The following TMC1 variants were observed in gnomAD, a reference collection of about 807,000 sequenced individuals.
TMC1 encodes transmembrane channel like 1.
A neutral mutation model predicts 105.8 loss-of-function variants in TMC1; 84 were observed. The ratio of observed to expected loss-of-function variants is 0.79; its 90% CI spans 0.67 to 0.95. The LOEUF (loss-of-function observed/expected upper bound fraction) is 0.95. Among genes scored for constraint, TMC1 ranks in the 40% least tolerant of loss-of-function variants. The probability of loss-of-function intolerance (pLI) is 0.00; values close to 1 mark genes in which losing one functional copy is unlikely to be tolerated. For synonymous variants in TMC1, 315 were observed against 311.5 expected (o/e 1.01, Z -0.12); for missense variants, 817 against 914.1 (o/e 0.89, Z 1.37).
At chr9:72,761,460 A>G (rs1347327320) in intron 12 of TMC1, among the ~76,000 whole-genome samples, 1 of 152,180 alleles carries the variant, frequency 6.6e-6, no homozygotes, top group Non-Finnish European at 1.5e-5. Context: ...TGATGGATAA[A>G]TGGTATGTCT....
At chr9:72,804,848 TTATGTGGGGTTTCGG>T (rs1828543098) in intron 17 of TMC1, among the ~76,000 whole-genome samples, 3 of 152,356 alleles carry the variant, frequency 2.0e-5, no homozygotes, top group Admixed American at 1.3e-4. Flanking sequence ...TGTATTTTTA[TTATGTGGGGTTTCGG>T]TATTTTTCAA....
intron 2 of TMC1, among the ~76,000 whole-genome samples, chr9:72,591,914 C>T (rs1211448555): frequency 2.0e-5 from 3 of 151,970 alleles, no homozygotes; most frequent in South Asian, 2.1e-4. Context: ...TTTAGTAGGT[C>T]GTGGATGGGG....
At chr9:72,685,069 T>G (rs1438106210) in intron 5 of TMC1, among the ~76,000 whole-genome samples, 1 of 149,926 alleles carries the variant, frequency 6.7e-6, no homozygotes, top group Non-Finnish European at 1.5e-5. Flanking sequence ...AACCCATACA[T>G]AATCTCAAAC....
intron 5 of TMC1, among the ~76,000 whole-genome samples, chr9:72,649,867 T>C (rs1241961559): frequency 6.6e-6 from 1 of 152,174 alleles, no homozygotes; most frequent in Admixed American, 6.5e-5. Flanking sequence ...ACTTTTTAAG[T>C]GCCCAGTAGT....
At chr9:72,563,047 A>T (rs1400512958) in intron 1 of TMC1, among the ~76,000 whole-genome samples, 3 of 148,974 alleles carry the variant, frequency 2.0e-5, no homozygotes, top group Non-Finnish European at 4.4e-5. Context: ...GAAAGTTACT[A>T]GTTAGCCAAT....
chr9:72,619,704 A>G lies in TMC1; in HGVS notation c.-196+3227A>G, dbSNP rs142979924. 6.0e-3 allele frequency among the ~76,000 whole-genome samples: 919 copies of G among 151,978 alleles called. 12 individuals are homozygous for G. The highest frequency in any genetic ancestry group is 0.03 in the South Asian group (144 of 4,828). On this transcript the variant is annotated intron_variant, in intron 3 of 23. Transcript: ENST00000297784. Reference sequence around the variant, plus strand: ...TAATATATTTTATAAAAACAAAAGCATATGAATAGAAAAGTACATTATTTT... The same window carrying G: ...TAATATATTTTATAAAAACAAAAGCGTATGAATAGAAAAGTACATTATTTT...
At chr9:72,688,828 G>A in intron 6 of TMC1, 72 bp downstream of exon 6, 1 of 1,284,044 alleles carries the variant, frequency 7.8e-7, no homozygotes, top group Non-Finnish European at 1.1e-6. Context: ...TTATCCTCTT[G>A]TGGACTTGAG....
chr9:72,759,993 T>A (rs995491722), intron 12 of TMC1, among the ~76,000 whole-genome samples: 3 of 152,204 alleles, frequency 2.0e-5, no homozygotes, highest in South Asian at 4.1e-4. Context: ...GGCCCCATTT[T>A]AATCTTTCAT....
intron 18 of TMC1, among the ~76,000 whole-genome samples, chr9:72,807,135 C>T (rs1232040255): frequency 6.6e-6 from 1 of 152,150 alleles, no homozygotes; most frequent in African/African-American, 2.4e-5. Flanking sequence ...AGCCTGCAAT[C>T]GCAGGCACTC....
chr9:72,756,067 T>G (rs533882937), intron 12 of TMC1, among the ~76,000 whole-genome samples: 1 of 152,284 alleles, frequency 6.6e-6, no homozygotes, highest in Non-Finnish European at 1.5e-5. Context: ...CATCTCCGAA[T>G]GAACAAAGCA....
In TMC1 at chr9:72,639,313, G is replaced by T. The variant is rs191485054; in HGVS notation, c.-52-9284G>T. Among the ~76,000 whole-genome samples, 10 of 152,216 alleles carry T rather than the reference G, an allele frequency of 6.6e-5. No individual in the cohort carries two copies. In the East Asian group the frequency reaches 1.9e-3, roughly 29 times the overall value. On this transcript the variant is annotated intron_variant, in intron 4 of 23. Coordinates refer to ENST00000297784, the MANE Select transcript of TMC1 (RefSeq NM_138691.3). ...TGTATGGAAAGATATATTAGAAGATGCTAACCATGGGCTTAAGAAAGTAGA... is the reference window on the plus strand; with the variant it reads ...TGTATGGAAAGATATATTAGAAGATTCTAACCATGGGCTTAAGAAAGTAGA...
At chr9:72,632,156 G>A (rs1407451229) in intron 4 of TMC1, among the ~76,000 whole-genome samples, 1 of 152,126 alleles carries the variant, frequency 6.6e-6, no homozygotes, top group Admixed American at 6.5e-5. Flanking sequence ...AAGGTGAAGG[G>A]GGAGCTAGCA....
At chr9:72,798,165 G>T (rs533614589) in intron 17 of TMC1, among the ~76,000 whole-genome samples, 36 of 152,030 alleles carry the variant, frequency 2.4e-4, no homozygotes, top group Non-Finnish European at 4.6e-4. Flanking sequence ...AACCACAATG[G>T]GATACCAGCT....
intron 5 of TMC1, among the ~76,000 whole-genome samples, chr9:72,650,761 CTGTT>C (rs1178029248): frequency 1.3e-5 from 2 of 150,910 alleles, no homozygotes; most frequent in African/African-American, 4.9e-5. Context: ...ATTTGGTTGT[CTGTT>C]TCTGCATTAG....
At chr9:72,571,995 C>T (rs1378939717) in intron 1 of TMC1, among the ~76,000 whole-genome samples, 1 of 151,996 alleles carries the variant, frequency 6.6e-6, no homozygotes, top group African/African-American at 2.4e-5. Context: ...TACTACCACA[C>T]TCGGCTAATT....
At chr9:72,669,281 C>A (rs900228619) in intron 5 of TMC1, among the ~76,000 whole-genome samples, 1 of 152,032 alleles carries the variant, frequency 6.6e-6, no homozygotes, top group Non-Finnish European at 1.5e-5. Flanking sequence ...TGCACTCCAG[C>A]CTGGGCGAAA....
At chr9:72,587,153 C>G (rs900532297) in intron 2 of TMC1, among the ~76,000 whole-genome samples, 1 of 138,850 alleles carries the variant, frequency 7.2e-6, no homozygotes, top group African/African-American at 3.0e-5. Context: ...GGTTATGTAA[C>G]AGATAACTTT....
intron 12 of TMC1, among the ~76,000 whole-genome samples, chr9:72,757,216 A>G (rs1467773237): frequency 6.6e-6 from 1 of 152,206 alleles, no homozygotes; most frequent in Non-Finnish European, 1.5e-5. Flanking sequence ...TGCTGGGGTT[A>G]GTAGTGATTT....
At chr9:72,702,148 A>T (rs532225900) in intron 8 of TMC1, among the ~76,000 whole-genome samples, 1 of 152,190 alleles carries the variant, frequency 6.6e-6, no homozygotes, top group East Asian at 1.9e-4. Context: ...AATGACCCAT[A>T]AAGTCCCCAA....
Sources: allele counts gnomAD v4.1 joint callset (sites outside exome capture counted in the v4.1 genomes callset), GRCh38; gene constraint gnomAD v4.1.1; transcripts MANE v1.5; gene names NCBI Gene and HGNC (gene_info 2026-07-23, HGNC 2026-07-21).